The following PRKCH variants were observed in gnomAD, a reference collection of about 807,000 sequenced individuals.
The protein encoded by PRKCH is protein kinase C eta type.
Under a neutral mutation model 82.5 loss-of-function variants are expected in PRKCH, and 28 were observed. That is an observed-to-expected ratio of 0.34 (90% CI 0.25 to 0.47). PRKCH has a LOEUF of 0.47. PRKCH is among the 20% of genes least tolerant of loss of function. PRKCH has a pLI of 1.00. For synonymous variants in PRKCH, 322 were observed against 327.4 expected, an observed-to-expected ratio of 0.98 and a Z score of 0.18; for missense variants, 705 against 881.8, an observed-to-expected ratio of 0.80 and a Z score of 2.54.
chr14:61,279,013 A>ACACACACACACACACAC (rs2045230792), intron 1 of PRKCH: 1 of 149,502 alleles, frequency 6.7e-6, no homozygotes, highest in Non-Finnish European at 1.5e-5. Flanking sequence ...ACACACACAC[A>ACACACACACACACACAC]ATGACAAAGA....
At chr14:61,289,625 T>TG (rs756898443) in intron 1 of PRKCH, among the ~76,000 whole-genome samples, 2 of 152,146 alleles carry the variant, frequency 1.3e-5, no homozygotes, top group Non-Finnish European at 2.9e-5. Flanking sequence ...GAGGATCACT[T>TG]GGGTCCAGGA....
chr14:61,379,206 G>GC (rs879727780), intron 1 of PRKCH, among the ~76,000 whole-genome samples: 6 of 145,778 alleles, frequency 4.1e-5, no homozygotes, highest in Admixed American at 1.4e-4. Flanking sequence ...CTGTGTAGAT[G>GC]CCCCCCCTCC....
chr14:61,513,645 A>G (rs1180244390), intron 10 of PRKCH, among the ~76,000 whole-genome samples: 1 of 152,184 alleles, frequency 6.6e-6, no homozygotes, highest in South Asian at 2.1e-4. Flanking sequence ...TGAAATTTCC[A>G]AATACATATA....
chr14:61,392,552 C>T (rs2046700212), intron 2 of PRKCH, among the ~76,000 whole-genome samples: 1 of 152,038 alleles, frequency 6.6e-6, no homozygotes, highest in South Asian at 2.1e-4. Context: ...TTGATAATTT[C>T]CAGTTCCAGT....
At chr14:61,370,425 G>A (rs983162602) in intron 1 of PRKCH, among the ~76,000 whole-genome samples, 1 of 152,066 alleles carries the variant, frequency 6.6e-6, no homozygotes, top group Admixed American at 6.5e-5. Context: ...CTAGGCCTGG[G>A]GGTGGGGCCT....
chr14:61,249,431 A>G (rs1262065568), intron 1 of PRKCH, among the ~76,000 whole-genome samples: 1 of 151,800 alleles, frequency 6.6e-6, no homozygotes, highest in African/African-American at 2.4e-5. Flanking sequence ...GGCAGCACAT[A>G]TACTTAAAAA....
chr14:61,344,327 A>G (rs937217118), intron 1 of PRKCH: 2 of 152,260 alleles, frequency 1.3e-5, no homozygotes, highest in African/African-American at 4.8e-5. Flanking sequence ...CCACACTAGT[A>G]CAGAAGTGTC....
intron 1 of PRKCH, among the ~76,000 whole-genome samples, chr14:61,238,964 C>T (rs2044812839): frequency 6.6e-6 from 1 of 152,200 alleles, no homozygotes; most frequent in South Asian, 2.1e-4. Flanking sequence ...CATTATAAAG[C>T]TGGTCCCACA....
At chr14:61,528,616 T>C (rs1473385087) in intron 10 of PRKCH, among the ~76,000 whole-genome samples, 2 of 152,162 alleles carry the variant, frequency 1.3e-5, no homozygotes, top group Non-Finnish European at 2.9e-5. Flanking sequence ...TGTGAGTTCC[T>C]TGCAGATGAA....
intron 2 of PRKCH, among the ~76,000 whole-genome samples, chr14:61,432,465 T>A (rs868498037): frequency 6.6e-6 from 1 of 152,184 alleles, no homozygotes; most frequent in South Asian, 2.1e-4. Context: ...TTCTGAAATA[T>A]CTTTATTTTG....
In PRKCH at chr14:61,272,340, C is replaced by CTTTTTTTTTTTTTTTTT. The variant is rs1335053986; in HGVS notation, c.-19+84675_-19+84676insTTTTTTTTTTTTTTTTT. Reference sequence around the variant, plus strand: ...TAGATTTCTTTTTCTTTTCTTTTTTCTTTCTTTTTTTTTTTTTTTTTTTTT... The same window carrying CTTTTTTTTTTTTTTTTT: ...TAGATTTCTTTTTCTTTTCTTTTTTCTTTTTTTTTTTTTTTTTTTTCTTTTTTTTTTTTTTTTTTTTT... On this transcript the variant is annotated intron_variant, in intron 1 of 3. Transcript: ENST00000555185. Among the ~76,000 whole-genome samples, 4 of 97,838 alleles carry CTTTTTTTTTTTTTTTTT rather than the reference C, an allele frequency of 4.1e-5. 1 individual carries two copies. Among genetic ancestry groups the CTTTTTTTTTTTTTTTTT allele is most frequent in the Non-Finnish European group, 7.6e-5 (4 of 52,830 alleles). 64.2% of individuals were successfully genotyped at this position (97,838 alleles called of 152,430 possible).
At chr14:61,396,084 A>G (rs1444694691) in intron 2 of PRKCH, among the ~76,000 whole-genome samples, 1 of 146,716 alleles carries the variant, frequency 6.8e-6, no homozygotes, top group East Asian at 1.9e-4. Flanking sequence ...TGTTTCAGAA[A>G]AAAAAAAAAA....
At chr14:61,214,629 G>T (rs1052889265) in intron 1 of PRKCH, among the ~76,000 whole-genome samples, 25 of 151,990 alleles carry the variant, frequency 1.6e-4, no homozygotes, top group Non-Finnish European at 3.5e-4. Flanking sequence ...GACTCTTCCT[G>T]GGGGGTAGTT....
At chr14:61,531,615 G>A (rs1471718040) in intron 12 of PRKCH, among the ~76,000 whole-genome samples, 4 of 152,088 alleles carry the variant, frequency 2.6e-5, no homozygotes, top group African/African-American at 9.7e-5. Flanking sequence ...TCTCTACATC[G>A]CTAAAAGAGA....
chr14:61,493,744 A>G (rs1188857800), intron 10 of PRKCH, among the ~76,000 whole-genome samples: 1 of 151,958 alleles, frequency 6.6e-6, no homozygotes, highest in Non-Finnish European at 1.5e-5. Flanking sequence ...ATGTGTGGAC[A>G]TACCCATGGT....
intron 2 of PRKCH, among the ~76,000 whole-genome samples, chr14:61,433,441 C>T (rs932508597): frequency 3.9e-5 from 6 of 152,092 alleles, no homozygotes; most frequent in Admixed American, 1.3e-4. Flanking sequence ...CAGCAGGAAA[C>T]ATATGTTTAT....
At chr14:61,242,028 A>G (rs919928268) in intron 1 of PRKCH, among the ~76,000 whole-genome samples, 1 of 152,236 alleles carries the variant, frequency 6.6e-6, no homozygotes, top group Non-Finnish European at 1.5e-5. Flanking sequence ...CCAAAGTTCT[A>G]AAAAATCCCA....
intron 2 of PRKCH, among the ~76,000 whole-genome samples, chr14:61,414,089 G>A (rs1171557733): frequency 6.6e-6 from 1 of 151,844 alleles, no homozygotes; most frequent in Non-Finnish European, 1.5e-5. Context: ...TGTATCCTTG[G>A]GGGATCCATC....
At chr14:61,246,858 G>A (rs1250400147) in intron 1 of PRKCH, among the ~76,000 whole-genome samples, 2 of 152,154 alleles carry the variant, frequency 1.3e-5, no homozygotes, top group East Asian at 3.8e-4. Context: ...AATGTGCTGG[G>A]ATTACAGATG....
Sources: gnomAD v4.1 joint callset for allele counts (sites outside exome capture counted in the v4.1 genomes callset) on GRCh38, gnomAD v4.1.1 for gene constraint, MANE v1.5 for transcripts, NCBI Gene and HGNC (gene_info 2026-07-23, HGNC 2026-07-21) for gene names.